The following NF1 variants were observed in gnomAD, a reference collection of about 807,000 sequenced individuals.
NF1 encodes neurofibromin 1.
In NF1, 122 loss-of-function variants were observed where a neutral mutation model predicts 325.7. The ratio of observed to expected loss-of-function variants is 0.37; its 90% confidence interval spans 0.32 to 0.44. NF1 has a LOEUF of 0.44. Ranked by LOEUF, NF1 falls within the 20% of genes least tolerant of loss-of-function variation. NF1 has a pLI of 1.00. For synonymous variants in NF1, 1,091 were observed against 1,186.0 expected, an observed-to-expected ratio of 0.92 and a Z score of 1.65; for missense variants, 2,140 against 3,415.4, an observed-to-expected ratio of 0.63 and a Z score of 9.31.
intron 8 of NF1, among the ~76,000 whole-genome samples, chr17:31,185,385 C>G (rs1301603583): frequency 6.6e-6 from 1 of 152,066 alleles, no homozygotes; most frequent in African/African-American, 2.4e-5. Flanking sequence ...TGACACTGGT[C>G]TATTACATTA....
At chr17:31,189,454 T>G (rs971221739) in intron 8 of NF1, among the ~76,000 whole-genome samples, 19 of 152,166 alleles carry the variant, frequency 1.2e-4, no homozygotes, top group South Asian at 1.0e-3. Flanking sequence ...ATTAACAAAG[T>G]TGTACAATCA....
At chr17:31,263,503 T>C (rs1170461827) in intron 35 of NF1, among the ~76,000 whole-genome samples, 6 of 150,428 alleles carry the variant, frequency 4.0e-5, no homozygotes, top group East Asian at 3.9e-4. Context: ...AATATAAATA[T>C]AAAAATGAAT....
chr17:31,312,623 A>T (rs1193660669), intron 36 of NF1, among the ~76,000 whole-genome samples: 1 of 152,116 alleles, frequency 6.6e-6, no homozygotes, highest in African/African-American at 2.4e-5. Context: ...AAAATTTAAT[A>T]TAATTTTATG....
intron 36 of NF1, among the ~76,000 whole-genome samples, chr17:31,316,668 C>T (rs2069027818): frequency 6.6e-6 from 1 of 152,144 alleles, no homozygotes; most frequent in Non-Finnish European, 1.5e-5. Context: ...CATTTCTAAT[C>T]TGGGTTATTT....
intron 8 of NF1, among the ~76,000 whole-genome samples, chr17:31,189,432 C>A (rs182402329): frequency 4.1e-4 from 62 of 152,194 alleles, no homozygotes; most frequent in Non-Finnish European, 7.6e-4. Context: ...TAAAATTCAG[C>A]GATTTTAGTA....
At chr17:31,263,120 T>TAGATAGATAGATAAGATAAGATA (rs149743607) in intron 35 of NF1, among the ~76,000 whole-genome samples, 70 of 95,768 alleles carry the variant, frequency 7.3e-4, no homozygotes, top group African/African-American at 1.9e-3. Flanking sequence ...GATAGATAGA[T>TAGATAGATAGATAAGATAAGATA]AGATAAGATA....
At chr17:31,204,057 GAA>G (rs776763652) in intron 11 of NF1, among the ~76,000 whole-genome samples, 45 of 151,982 alleles carry the variant, frequency 3.0e-4, no homozygotes, top group Non-Finnish European at 6.0e-4. Context: ...CATAAGAGAT[GAA>G]TTAATAGTTG....
intron 8 of NF1, among the ~76,000 whole-genome samples, chr17:31,199,632 A>G (rs1298272370): frequency 6.6e-6 from 1 of 152,204 alleles, no homozygotes; most frequent in Non-Finnish European, 1.5e-5. Context: ...TGAACTGTAA[A>G]GAGGGGTTGA....
chr17:31,106,599 C>G (rs965833471), intron 1 of NF1, among the ~76,000 whole-genome samples: 1 of 152,108 alleles, frequency 6.6e-6, no homozygotes, highest in Non-Finnish European at 1.5e-5. Flanking sequence ...CTTCTTCACT[C>G]GAAGATGGTA....
intron 36 of NF1, chr17:31,307,987 A>AT (rs915446654): frequency 9.4e-6 from 11 of 1,174,272 alleles, no homozygotes; most frequent in East Asian, 5.7e-5. Context: ...AAGATATGTG[A>AT]TTTTTTTCCC....
intron 36 of NF1, among the ~76,000 whole-genome samples, chr17:31,299,818 C>T (rs989831502): frequency 2.6e-5 from 4 of 152,056 alleles, no homozygotes; most frequent in Non-Finnish European, 5.9e-5. Context: ...CTTTATGCCA[C>T]TGGCTTGTTG....
chr17:31,153,374 C>T (rs1401271899), intron 1 of NF1, among the ~76,000 whole-genome samples: 1 of 152,248 alleles, frequency 6.6e-6, no homozygotes, highest in Non-Finnish European at 1.5e-5. Flanking sequence ...ATTACCACAG[C>T]AAATCCTATT....
intron 7 of NF1, among the ~76,000 whole-genome samples, chr17:31,182,305 A>C (rs1350971033): frequency 6.6e-6 from 1 of 152,180 alleles, no homozygotes; most frequent in African/African-American, 2.4e-5. Context: ...TCCAGGATAG[A>C]TCAAGATAGC....
intron 1 of NF1, among the ~76,000 whole-genome samples, chr17:31,128,764 T>C (rs1915095161): frequency 6.6e-6 from 1 of 151,858 alleles, no homozygotes; most frequent in Non-Finnish European, 1.5e-5. Flanking sequence ...CTACTAAATA[T>C]ACAAAAAATT....
intron 13 of NF1, among the ~76,000 whole-genome samples, chr17:31,216,222 T>C (rs1436250079): frequency 6.6e-6 from 1 of 152,244 alleles, no homozygotes; most frequent in African/African-American, 2.4e-5. Context: ...TAATTCACAT[T>C]CAAAGCAGGC....
chr17:31,275,973 G>A (rs1273516839), intron 36 of NF1, among the ~76,000 whole-genome samples: 3 of 152,052 alleles, frequency 2.0e-5, no homozygotes, highest in African/African-American at 7.2e-5. Context: ...ACTTTGGGAG[G>A]CCGAGGTGGG....
intron 36 of NF1, among the ~76,000 whole-genome samples, chr17:31,293,554 T>C (rs1240984792): frequency 6.6e-6 from 1 of 152,202 alleles, no homozygotes; most frequent in Non-Finnish European, 1.5e-5. Context: ...TCCATAATCC[T>C]GGTCCTTAAA....
chr17:31,375,005 A>G lies in NF1; in HGVS notation c.*850A>G, dbSNP rs867274576. 1 of 184,922 alleles carries G rather than the reference A, an allele frequency of 5.4e-6. No homozygotes were observed. Among genetic ancestry groups the G allele is most frequent in the Non-Finnish European group, 1.0e-5 (1 of 98,412 alleles). 11.5% of individuals were successfully genotyped at this position (184,922 alleles called of 1,614,324 possible). A position where few individuals can be genotyped will look rare whatever the true frequency, so the allele number is the denominator to read the frequency against. ...TTTGTAAACCAAAACTATACTAAGTATAGTAATTATATATATATATATATT... is the reference window on the plus strand; with the variant it reads ...TTTGTAAACCAAAACTATACTAAGTGTAGTAATTATATATATATATATATT... On this transcript the variant is annotated 3_prime_UTR_variant, in exon 58 of 58. Coordinates refer to ENST00000358273, the MANE Select transcript of NF1 (RefSeq NM_001042492.3).
chr17:31,223,667 C>A, intron 16 of NF1, 100 bp downstream of exon 16: 2 of 1,113,094 alleles, frequency 1.8e-6, no homozygotes, highest in Non-Finnish European at 2.7e-6. Context: ...TCTATTTCAG[C>A]TTCTCCTTCC....
Sources: allele counts gnomAD v4.1 joint callset (sites outside exome capture counted in the v4.1 genomes callset), GRCh38; gene constraint gnomAD v4.1.1; transcripts MANE v1.5; gene names NCBI Gene and HGNC (gene_info 2026-07-23, HGNC 2026-07-21).